The following DOCK3 variants were observed in gnomAD, a reference collection of about 807,000 sequenced individuals.
DOCK3 encodes the protein dedicator of cytokinesis protein 3.
In DOCK3, 60 loss-of-function variants were observed where a neutral mutation model predicts 265.6. The ratio of observed to expected loss-of-function variants is 0.23; its 90% CI spans 0.18 to 0.28. The LOEUF (loss-of-function observed/expected upper bound fraction) is 0.28. Ranked by LOEUF, DOCK3 falls within the 10% of genes least tolerant of loss-of-function variation. DOCK3 has a pLI of 1.00. For synonymous variants in DOCK3, 881 were observed against 938.0 expected (o/e 0.94, Z 1.11); for missense variants, 1,981 against 2,594.3 (o/e 0.76, Z 5.14).
chr3:51,197,756 C>T (rs1263075598), intron 12 of DOCK3, among the ~76,000 whole-genome samples: 1 of 152,112 alleles, frequency 6.6e-6, no homozygotes, highest in East Asian at 1.9e-4. Context: ...GCTATGCTAA[C>T]ACCCTGTCAC....
chr3:50,765,041 C>A (rs1353231217), intron 1 of DOCK3, among the ~76,000 whole-genome samples: 1 of 113,436 alleles, frequency 8.8e-6, no homozygotes, highest in Non-Finnish European at 1.9e-5. Context: ...GGATTATGGG[C>A]TTATTTGTTT....
intron 3 of DOCK3, among the ~76,000 whole-genome samples, chr3:50,858,862 A>G (rs1324785185): frequency 1.3e-5 from 2 of 150,920 alleles, no homozygotes; most frequent in African/African-American, 4.9e-5. Flanking sequence ...TTTTTATTCT[A>G]TTTTTCTTTA....
chr3:50,969,914 C>CA (rs1285969611), intron 5 of DOCK3, among the ~76,000 whole-genome samples: 1 of 151,954 alleles, frequency 6.6e-6, no homozygotes, highest in African/African-American at 2.4e-5. Flanking sequence ...ACTAAAAATA[C>CA]AAAAAAACTT....
chr3:50,927,282 T>G (rs1575550387), intron 4 of DOCK3, among the ~76,000 whole-genome samples: 2 of 151,750 alleles, frequency 1.3e-5, no homozygotes, highest in African/African-American at 4.8e-5. Flanking sequence ...CAGTGGGGAG[T>G]GGGGGATGAG....
intron 32 of DOCK3, among the ~76,000 whole-genome samples, chr3:51,329,828 G>T (rs1278813126): frequency 6.6e-6 from 1 of 152,116 alleles, no homozygotes; most frequent in Non-Finnish European, 1.5e-5. Context: ...ATCTGAAAAA[G>T]GCCTCTTTTG....
intron 5 of DOCK3, among the ~76,000 whole-genome samples, chr3:51,021,480 T>C (rs547764985): frequency 6.6e-6 from 1 of 152,290 alleles, no homozygotes; most frequent in Admixed American, 6.5e-5. Context: ...GTATAAATTA[T>C]CCAAATTCCT....
At chr3:50,927,274 G>A (rs1471439159) in intron 4 of DOCK3, among the ~76,000 whole-genome samples, 1 of 152,190 alleles carries the variant, frequency 6.6e-6, no homozygotes, top group Non-Finnish European at 1.5e-5. Flanking sequence ...CCACAGGGCA[G>A]TGGGGAGTGG....
At chr3:50,877,402 C>T (rs2047758712) in intron 3 of DOCK3, 1 of 519,212 alleles carries the variant, frequency 1.9e-6, no homozygotes. Flanking sequence ...AAGATTATAG[C>T]TGCTTCTTTC....
intron 1 of DOCK3, among the ~76,000 whole-genome samples, chr3:50,778,391 A>G (rs1028562458): frequency 6.6e-6 from 1 of 152,218 alleles, no homozygotes; most frequent in African/African-American, 2.4e-5. Flanking sequence ...AACACAGGAT[A>G]TCCAAGGGAC....
intron 3 of DOCK3, among the ~76,000 whole-genome samples, chr3:50,853,705 G>C (rs2046445017): frequency 6.6e-6 from 1 of 152,010 alleles, no homozygotes; most frequent in Non-Finnish European, 1.5e-5. Flanking sequence ...TCTTTATCCA[G>C]TCCACTGTTG....
intron 12 of DOCK3, among the ~76,000 whole-genome samples, chr3:51,198,991 T>C (rs1427857120): frequency 6.6e-6 from 1 of 151,776 alleles, no homozygotes; most frequent in African/African-American, 2.4e-5. Context: ...AGACGTGCCA[T>C]TGCACTCCAG....
At chr3:51,236,736 C>T (rs1042217567) in intron 20 of DOCK3, among the ~76,000 whole-genome samples, 1 of 152,078 alleles carries the variant, frequency 6.6e-6, no homozygotes, top group Non-Finnish European at 1.5e-5. Flanking sequence ...GAGAGTAATA[C>T]AAGAAATCAG....
chr3:51,249,259 C>T (rs1215720675), intron 22 of DOCK3, among the ~76,000 whole-genome samples: 17 of 132,244 alleles, frequency 1.3e-4, no homozygotes, highest in Non-Finnish European at 1.5e-4. Flanking sequence ...GGCGCCTCTG[C>T]CCGGCCGCCC....
At chr3:50,751,533 G>C (rs189278141) in intron 1 of DOCK3, among the ~76,000 whole-genome samples, 10 of 152,200 alleles carry the variant, frequency 6.6e-5, no homozygotes, top group Middle Eastern at 3.4e-3. Context: ...GAATGCATAG[G>C]TATTACAGCT....
In DOCK3 at chr3:51,160,661, A is replaced by G; in HGVS notation, c.996A>G (p.Thr332=). Residue 332 remains threonine (T), a synonymous_variant, in exon 12 of 53, where the codon ACA becomes ACG. Transcript: ENST00000266037. ...TCTTGGATGTCCTACAGTCACTCAC[A>G]GAAGTAAAGGAAGAAAAGGATTTTG... The part of the protein sequence containing the change: ...LSILDVLQSL[T]EVKEEKDFVL... 1 of 1,613,088 alleles carries G rather than the reference A, an allele frequency of 6.2e-7. No individual in the cohort carries two copies. Among genetic ancestry groups the G allele is most frequent in the Non-Finnish European group, 8.5e-7 (1 of 1,179,468 alleles).
chr3:51,042,682 A>G (rs1026484280), intron 5 of DOCK3, among the ~76,000 whole-genome samples: 1 of 152,222 alleles, frequency 6.6e-6, no homozygotes, highest in East Asian at 1.9e-4. Flanking sequence ...ATGATTCTGT[A>G]TTTAGAAAAT....
At chr3:50,947,449 A>G (rs935057435) in intron 5 of DOCK3, among the ~76,000 whole-genome samples, 14 of 152,182 alleles carry the variant, frequency 9.2e-5, no homozygotes, top group Non-Finnish European at 1.6e-4. Context: ...GAAATAATTT[A>G]TCAGGGTTCT....
intron 1 of DOCK3, among the ~76,000 whole-genome samples, chr3:50,746,683 G>A (rs2039467140): frequency 6.6e-6 from 1 of 152,026 alleles, no homozygotes; most frequent in Non-Finnish European, 1.5e-5. Context: ...TATGGTGAGG[G>A]CCTCAGGAAG....
intron 19 of DOCK3, 86 bp downstream of exon 19, chr3:51,229,695 C>A: frequency 2.1e-6 from 2 of 965,408 alleles, no homozygotes; most frequent in South Asian, 3.2e-5. Flanking sequence ...TGCCAATAAC[C>A]GTCTGAGACT....
Sources: allele counts gnomAD v4.1 joint callset (sites outside exome capture counted in the v4.1 genomes callset), GRCh38; gene constraint gnomAD v4.1.1; transcripts MANE v1.5; gene names NCBI Gene and HGNC (gene_info 2026-07-23, HGNC 2026-07-21).